The following CENPP variants were observed in gnomAD, a reference collection of about 807,000 sequenced individuals.
CENPP encodes the protein centromere protein P.
Under a neutral mutation model 35.6 loss-of-function variants are expected in CENPP, and 24 were observed. The observed-to-expected ratio is 0.67, with a 90% CI of 0.49 to 0.95. The LOEUF is 0.95. Among genes scored for constraint, CENPP ranks in the 40% least tolerant of loss-of-function variants. The pLI is 0.00. For synonymous variants in CENPP, 120 were observed against 125.5 expected (o/e 0.96, Z 0.29); for missense variants, 332 against 345.3 (o/e 0.96, Z 0.31).
intron 5 of CENPP, among the ~76,000 whole-genome samples, chr9:92,462,884 T>C (rs959758552): frequency 6.6e-6 from 1 of 152,184 alleles, no homozygotes. Flanking sequence ...GAAAAATAGC[T>C]GGTGCAACGT....
chr9:92,360,108 C>T (rs1841705668), intron 4 of CENPP, among the ~76,000 whole-genome samples: 1 of 152,134 alleles, frequency 6.6e-6, no homozygotes, highest in South Asian at 2.1e-4. Flanking sequence ...AAAACCCTCT[C>T]CTTTAAATAT....
At chr9:92,429,421 C>T (rs931218209) in intron 5 of CENPP, among the ~76,000 whole-genome samples, 1 of 152,182 alleles carries the variant, frequency 6.6e-6, no homozygotes, top group African/African-American at 2.4e-5. Context: ...CTAAAGTCTA[C>T]AGAACACAGA....
chr9:92,352,467 C>CTGTGTGTGTG (rs61233585), intron 4 of CENPP, among the ~76,000 whole-genome samples: 2,193 of 71,054 alleles, frequency 0.031, 73 homozygotes, highest in Non-Finnish European at 0.037. Context: ...TGCTTAAAGC[C>CTGTGTGTGTG]TGTGTGTGTG....
chr9:92,393,329 T>TA, intron 5 of CENPP: 1 of 1,029,094 alleles, frequency 9.7e-7, no homozygotes, highest in Non-Finnish European at 1.4e-6. Flanking sequence ...CTATTATGAA[T>TA]GCTATTACTA....
intron 5 of CENPP, among the ~76,000 whole-genome samples, chr9:92,380,107 T>G (rs1184157084): frequency 6.6e-6 from 1 of 152,214 alleles, no homozygotes; most frequent in Non-Finnish European, 1.5e-5. Flanking sequence ...AAAATCCGCA[T>G]TTTGGAAAAA....
intron 5 of CENPP, chr9:92,389,904 C>T: frequency 6.2e-7 from 1 of 1,612,880 alleles, no homozygotes; most frequent in Non-Finnish European, 8.5e-7. Context: ...TTGTATTTTG[C>T]ATTAAATAAA....
chr9:92,419,554 C>T (rs1011374377), intron 5 of CENPP, among the ~76,000 whole-genome samples: 1 of 152,158 alleles, frequency 6.6e-6, no homozygotes, highest in Non-Finnish European at 1.5e-5. Context: ...CCACCTTGGG[C>T]TCCCAAAGTG....
chr9:92,571,707 G>A (rs1228735306), intron 5 of CENPP, among the ~76,000 whole-genome samples: 1 of 152,096 alleles, frequency 6.6e-6, no homozygotes, highest in East Asian at 1.9e-4. Flanking sequence ...ATTATTCTGT[G>A]GGAGTCTAAG....
chr9:92,546,544 A>G (rs1849457679), intron 5 of CENPP, among the ~76,000 whole-genome samples: 1 of 152,132 alleles, frequency 6.6e-6, no homozygotes, highest in Non-Finnish European at 1.5e-5. Context: ...AGTCAACGCC[A>G]AGGTCTGCAG....
At chr9:92,390,358 A>G (rs1469663831) in intron 5 of CENPP, among the ~76,000 whole-genome samples, 1 of 152,242 alleles carries the variant, frequency 6.6e-6, no homozygotes, top group Admixed American at 6.5e-5. Flanking sequence ...GCAGTTTGAA[A>G]GAAATTCTTG....
chr9:92,606,470 T>C (rs1405322784), intron 5 of CENPP, among the ~76,000 whole-genome samples: 3 of 152,180 alleles, frequency 2.0e-5, no homozygotes, highest in African/African-American at 7.2e-5. Context: ...TGAAACAGTT[T>C]GGCAACTCCC....
chr9:92,410,824 A>G (rs1843424823), intron 5 of CENPP, among the ~76,000 whole-genome samples: 1 of 152,146 alleles, frequency 6.6e-6, no homozygotes, highest in Admixed American at 6.5e-5. Flanking sequence ...TATTATACCA[A>G]TTATTTATCT....
chr9:92,534,474 G>A (rs72754442), intron 5 of CENPP, among the ~76,000 whole-genome samples: 6,053 of 152,148 alleles, frequency 0.04, 185 homozygotes, highest in South Asian at 0.098. Flanking sequence ...TTTCTTCAGC[G>A]TATATATACA....
intron 6 of CENPP, among the ~76,000 whole-genome samples, chr9:92,612,109 C>T (rs1851276097): frequency 6.6e-6 from 1 of 152,254 alleles, no homozygotes; most frequent in South Asian, 2.1e-4. Context: ...TTCTGGCTCA[C>T]ACCTCCTGGC....
At chr9:92,509,959 A>G (rs1047414425) in intron 5 of CENPP, 2 of 1,611,218 alleles carry the variant, frequency 1.2e-6, no homozygotes, top group Non-Finnish European at 1.7e-6. Context: ...AGTTCTTCTA[A>G]TGTAGATGGC....
intron 5 of CENPP, among the ~76,000 whole-genome samples, chr9:92,469,804 C>A (rs1364213217): frequency 3.3e-5 from 5 of 152,126 alleles, no homozygotes; most frequent in Admixed American, 3.3e-4. Flanking sequence ...CTCCTCCAAA[C>A]CCAATTTCAG....
At chr9:92,561,501 CT>C (rs1849847058) in intron 5 of CENPP, among the ~76,000 whole-genome samples, 1 of 152,182 alleles carries the variant, frequency 6.6e-6, no homozygotes. Context: ...TGTTTTAACA[CT>C]TGTAATATTC....
At chr9:92,416,067 TA>T (rs1224262844) in intron 5 of CENPP, among the ~76,000 whole-genome samples, 3 of 99,226 alleles carry the variant, frequency 3.0e-5, no homozygotes, top group African/African-American at 8.7e-5. Context: ...TGTATATATA[TA>T]TATTTATTTA....
intron 4 of CENPP, among the ~76,000 whole-genome samples, chr9:92,366,902 A>T (rs557726713): frequency 6.6e-6 from 1 of 152,222 alleles, no homozygotes; most frequent in African/African-American, 2.4e-5. Flanking sequence ...AAAATCTGAA[A>T]TTTTTTGATT....
Sources: gnomAD v4.1 joint callset for allele counts (sites outside exome capture counted in the v4.1 genomes callset) on GRCh38, gnomAD v4.1.1 for gene constraint, MANE v1.5 for transcripts, NCBI Gene and HGNC (gene_info 2026-07-23, HGNC 2026-07-21) for gene names.